The following RANBP2 variants were observed in gnomAD, a reference collection of about 807,000 sequenced individuals.
The protein encoded by RANBP2 is E3 SUMO-protein ligase RanBP2.
A neutral mutation model predicts 303.6 loss-of-function variants in RANBP2; 57 were observed. The ratio of observed to expected loss-of-function variants is 0.19; its 90% CI spans 0.15 to 0.23. RANBP2 has a LOEUF of 0.23. Ranked by LOEUF, RANBP2 falls within the 10% of genes least tolerant of loss-of-function variation. RANBP2 has a pLI of 1.00. For synonymous variants in RANBP2, 1,167 were observed against 1,301.5 expected (o/e 0.90, Z 2.23); for missense variants, 3,138 against 3,780.8 (o/e 0.83, Z 4.46).
At chr2:109,533,201 T>C in the RANBP2 span, among the ~76,000 whole-genome samples, 5 of 152,110 alleles carry the variant, frequency 3.3e-5, no homozygotes, top group Admixed American at 1.3e-4. Flanking sequence ...AAAATCCATA[T>C]ACCAATGTAT....
At chr2:109,009,694 A>G in the RANBP2 span, among the ~76,000 whole-genome samples, 2 of 116,466 alleles carry the variant, frequency 1.7e-5, no homozygotes, top group Non-Finnish European at 3.2e-5. Flanking sequence ...CCTGGCTGAC[A>G]TTTTTACCTT....
At chr2:109,221,220 CTT>C in the RANBP2 span, among the ~76,000 whole-genome samples, 16 of 152,216 alleles carry the variant, frequency 1.1e-4, no homozygotes, top group Admixed American at 1.0e-3. Flanking sequence ...GTCAGCCTCT[CTT>C]AATTTTTTTC....
chr2:108,909,176 A>G, the RANBP2 span, among the ~76,000 whole-genome samples: 1 of 152,242 alleles, frequency 6.6e-6, no homozygotes, highest in African/African-American at 2.4e-5. Flanking sequence ...CCCTGTCTTC[A>G]ACTGCAACTC....
the RANBP2 span, chr2:109,544,093 T>C: frequency 6.9e-7 from 1 of 1,455,530 alleles, no homozygotes; most frequent in Non-Finnish European, 9.2e-7. Context: ...ATTTCAGATT[T>C]TTGAATTAGA....
At chr2:109,298,080 C>A in the RANBP2 span, among the ~76,000 whole-genome samples, 1 of 152,176 alleles carries the variant, frequency 6.6e-6, no homozygotes, top group South Asian at 2.1e-4. Flanking sequence ...AGGTGGGGAT[C>A]TGTCCCACTC....
chr2:109,724,159 T>C, the RANBP2 span, among the ~76,000 whole-genome samples: 2 of 152,244 alleles, frequency 1.3e-5, no homozygotes, highest in Non-Finnish European at 2.9e-5. Flanking sequence ...CATGCTGTTT[T>C]GGTTACTATA....
the RANBP2 span, among the ~76,000 whole-genome samples, chr2:109,149,322 T>G: frequency 6.6e-6 from 1 of 152,224 alleles, no homozygotes; most frequent in African/African-American, 2.4e-5. Flanking sequence ...TCTCTTTGGC[T>G]TGACTTGAGC....
chr2:109,472,563 T>C, the RANBP2 span, among the ~76,000 whole-genome samples: 1 of 152,182 alleles, frequency 6.6e-6, no homozygotes, highest in Admixed American at 6.5e-5. Flanking sequence ...TGAACCGACC[T>C]GCGGCTGCCT....
chr2:109,692,989 C>T, the RANBP2 span, among the ~76,000 whole-genome samples: 1 of 151,666 alleles, frequency 6.6e-6, no homozygotes, highest in Non-Finnish European at 1.5e-5. Context: ...AGACATATCT[C>T]ATTATACCGT....
chr2:109,794,809 GGCTTGTTCCCGAC>G, the RANBP2 span: 20 of 226,976 alleles, frequency 8.8e-5, no homozygotes, highest in South Asian at 1.3e-3. Flanking sequence ...TCTTAATCCC[GGCTTGTTCCCGAC>G]GCTTGTTCCC....
At chr2:109,187,690 C>T in the RANBP2 span, among the ~76,000 whole-genome samples, 1 of 152,154 alleles carries the variant, frequency 6.6e-6, no homozygotes, top group Non-Finnish European at 1.5e-5. Context: ...ATGATGTCAC[C>T]CAAGGACTCA....
At chr2:109,286,660 C>T in the RANBP2 span, among the ~76,000 whole-genome samples, 1 of 152,186 alleles carries the variant, frequency 6.6e-6, no homozygotes, top group African/African-American at 2.4e-5. Context: ...AAGCAGGAAT[C>T]TTTTCCCCCT....
chr2:109,610,657 G>A, the RANBP2 span, among the ~76,000 whole-genome samples: 15 of 152,044 alleles, frequency 9.9e-5, no homozygotes, highest in Non-Finnish European at 1.9e-4. Flanking sequence ...TGGAGGCTGC[G>A]GTGAGCTGAG....
the RANBP2 span, among the ~76,000 whole-genome samples, chr2:109,461,994 G>A: frequency 8.5e-5 from 13 of 152,062 alleles, no homozygotes; most frequent in Non-Finnish European, 1.8e-4. Context: ...CACCTTACGA[G>A]GGATGTCTCA....
At chr2:109,722,180 C>T in the RANBP2 span, among the ~76,000 whole-genome samples, 37 of 152,302 alleles carry the variant, frequency 2.4e-4, no homozygotes, top group Admixed American at 9.2e-4. Flanking sequence ...TCCTGGGGCC[C>T]TGCGGACTTG....
At chr2:109,223,397 T>G in the RANBP2 span, among the ~76,000 whole-genome samples, 2 of 152,324 alleles carry the variant, frequency 1.3e-5, no homozygotes, top group Admixed American at 1.3e-4. Flanking sequence ...AGCTGCCGTG[T>G]GCTCGCTGTG....
At chr2:108,817,302 T>C in the RANBP2 span, among the ~76,000 whole-genome samples, 2 of 151,766 alleles carry the variant, frequency 1.3e-5, no homozygotes. Context: ...CTTTTTTCTT[T>C]TTTTTTTTTG....
the RANBP2 span, among the ~76,000 whole-genome samples, chr2:108,795,205 A>G: frequency 8.8e-6 from 1 of 114,020 alleles, no homozygotes; most frequent in African/African-American, 3.5e-5. Flanking sequence ...CCCAGGCTGG[A>G]GTGCTGTGGT....
At chr2:109,138,644 G>A in the RANBP2 span, among the ~76,000 whole-genome samples, 2 of 152,218 alleles carry the variant, frequency 1.3e-5, no homozygotes, top group Admixed American at 6.5e-5. Context: ...GTGAGGAAGT[G>A]GGTCACTCTT....
Sources: gnomAD v4.1 joint callset for allele counts (sites outside exome capture counted in the v4.1 genomes callset) on GRCh38, gnomAD v4.1.1 for gene constraint, MANE v1.5 for transcripts, NCBI Gene and HGNC (gene_info 2026-07-23, HGNC 2026-07-21) for gene names.